The following FRK variants were observed in gnomAD, a reference collection of about 807,000 sequenced individuals.
The protein encoded by FRK is tyrosine-protein kinase FRK.
Under a neutral mutation model 56.4 loss-of-function variants are expected in FRK, and 51 were observed. The observed-to-expected ratio is 0.90, with a 90% CI of 0.72 to 1.14. FRK has a LOEUF of 1.14. Ranked by LOEUF, FRK falls within the 50% of genes most tolerant of loss-of-function variation. FRK has a pLI of 0.00. For missense variants in FRK, 570 were observed against 601.4 expected (o/e 0.95, Z 0.55); for synonymous variants, 245 against 217.9 (o/e 1.12, Z -1.10).
At chr6:116,023,881 G>A (rs1157335025) in intron 1 of FRK, among the ~76,000 whole-genome samples, 1 of 151,954 alleles carries the variant, frequency 6.6e-6, no homozygotes, top group East Asian at 1.9e-4. Flanking sequence ...TGTGTAAACT[G>A]TACGTAAGAA....
chr6:116,028,583 T>G (rs1776186192), intron 1 of FRK, among the ~76,000 whole-genome samples: 1 of 152,184 alleles, frequency 6.6e-6, no homozygotes, highest in Non-Finnish European at 1.5e-5. Flanking sequence ...TCTGGTGTTT[T>G]GTTGGCAGTC....
chr6:116,008,079 C>A (rs886895540), intron 1 of FRK, among the ~76,000 whole-genome samples: 1 of 152,062 alleles, frequency 6.6e-6, no homozygotes, highest in Non-Finnish European at 1.5e-5. Flanking sequence ...ATATATCATT[C>A]TCAAAACTAA....
In FRK at chr6:115,968,755, A is replaced by G. The variant is rs1773690983; in HGVS notation, c.467-16T>C. On this transcript the variant is annotated splice_polypyrimidine_tract_variant and intron_variant, in intron 2 of 7. Coordinates refer to ENST00000606080, the MANE Select transcript of FRK (RefSeq NM_002031.3). ...CCATCTAAAACTGGAACCCAAAATA[A>G]TTCCTGTTAATAAACTTCTTGCTAA... 1.2e-6 allele frequency: 2 copies of G among 1,605,518 alleles called. No homozygotes were observed. Among genetic ancestry groups the G allele is most frequent in the Non-Finnish European group, 1.7e-6 (2 of 1,175,404 alleles).
At chr6:115,990,925 T>A (rs1774578375) in intron 2 of FRK, among the ~76,000 whole-genome samples, 1 of 151,964 alleles carries the variant, frequency 6.6e-6, no homozygotes, top group Non-Finnish European at 1.5e-5. Flanking sequence ...TTTCCATTTG[T>A]TTGTGTCATC....
intron 2 of FRK, among the ~76,000 whole-genome samples, chr6:115,985,005 G>A (rs117524493): frequency 2.0e-5 from 3 of 152,126 alleles, no homozygotes; most frequent in Non-Finnish European, 4.4e-5. Flanking sequence ...ACATCATCCT[G>A]AGCCTTGTAC....
At position 116,039,232 on chromosome 6, in the gene FRK, G is replaced by A. The variant is rs141810817; in HGVS notation, c.344+20736C>T. 1.9e-4 allele frequency: 278 copies of A among 1,488,412 alleles called. 2 individuals carry two copies. In the East Asian group the frequency reaches 6.1e-3, roughly 33 times the overall value. The allele number at this position is 1,488,412 out of a possible 1,614,324, so 92.2% of individuals were successfully genotyped here. On this transcript the variant is annotated intron_variant, in intron 1 of 7. Coordinates refer to ENST00000606080, the MANE Select transcript of FRK (RefSeq NM_002031.3). ...TAACGTGAAGGACTGGAGCAAGGTC[G>A]TCCTGGCCTGCGAGCCTGTGTGGGC...
In FRK at chr6:116,015,568, G is replaced by A. The variant is rs150419477; in HGVS notation, c.345-11570C>T. 3.2e-4 allele frequency among the ~76,000 whole-genome samples: 49 copies of A among 152,300 alleles called. 2 individuals carry two copies. The East Asian group carries it at 7.9e-3, about 25-fold the overall frequency. On this transcript the variant is annotated intron_variant, in intron 1 of 7. Coordinates refer to ENST00000606080, the MANE Select transcript of FRK (RefSeq NM_002031.3). ...AGGCAGATGTTGGACAGTTTGGAGG[G>A]CTCAGAAGAAGACAGGAATATGTAG...
At chr6:115,943,920 T>C (rs1344210950) in intron 6 of FRK, among the ~76,000 whole-genome samples, 1 of 152,202 alleles carries the variant, frequency 6.6e-6, no homozygotes, top group East Asian at 1.9e-4. Flanking sequence ...AGGTTAACAC[T>C]GCACAAAGTG....
chr6:115,965,970 C>T (rs1357827204), intron 4 of FRK, among the ~76,000 whole-genome samples: 1 of 102,430 alleles, frequency 9.8e-6, no homozygotes, highest in South Asian at 4.2e-4. Flanking sequence ...TTAGTGGGTG[C>T]AGCGCACCAG....
chr6:116,094,755 C>G, the FRK span, among the ~76,000 whole-genome samples: 1 of 151,354 alleles, frequency 6.6e-6, no homozygotes, highest in South Asian at 2.1e-4. Context: ...GAGAAAGAGA[C>G]AGAAAGTCAG....
the FRK span, among the ~76,000 whole-genome samples, chr6:116,068,330 G>A: frequency 6.6e-6 from 1 of 151,998 alleles, no homozygotes; most frequent in Non-Finnish European, 1.5e-5. Flanking sequence ...ACATATGTGA[G>A]TGAGTCTTGG....
chr6:116,095,057 G>A, the FRK span, among the ~76,000 whole-genome samples: 5 of 152,212 alleles, frequency 3.3e-5, no homozygotes, highest in Admixed American at 6.5e-5. Context: ...GGCATAGGCC[G>A]AAAATACTGA....
chr6:116,080,538 T>C, the FRK span, among the ~76,000 whole-genome samples: 1 of 152,206 alleles, frequency 6.6e-6, no homozygotes, highest in Non-Finnish European at 1.5e-5. Flanking sequence ...TAAACTTCTA[T>C]AACATACCAC....
chr6:115,993,126 A>G (rs1301036156), intron 2 of FRK, among the ~76,000 whole-genome samples: 1 of 151,816 alleles, frequency 6.6e-6, no homozygotes, highest in Non-Finnish European at 1.5e-5. Flanking sequence ...AGGTGACATG[A>G]TATCTACAAC....
intron 1 of FRK, among the ~76,000 whole-genome samples, chr6:116,016,892 A>T (rs1775678237): frequency 6.6e-6 from 1 of 152,154 alleles, no homozygotes; most frequent in Non-Finnish European, 1.5e-5. Context: ...AATAGTAGAA[A>T]CTGAACACAT....
intron 2 of FRK, among the ~76,000 whole-genome samples, chr6:115,980,606 T>C (rs956481159): frequency 3.3e-5 from 5 of 152,176 alleles, no homozygotes; most frequent in Admixed American, 3.3e-4. Flanking sequence ...AATAAAGTTA[T>C]ACTGCCTTTA....
Position 115,942,624 on chromosome 6 carries a change from A to T in FRK, c.1308T>A (p.Gly436=). ...TCTGGATTACCTGGGCACCTGTCATACCTTGAAAATACAGAACGAAACCAA... is the reference window on the plus strand; with the variant it reads ...TCTGGATTACCTGGGCACCTGTCATTCCTTGAAAATACAGAACGAAACCAA... ...IITYGKMPYS[G]MTGAQVIQML... The change falls in exon 8 of 8, where the codon GGT becomes GGA. Residue 436 remains glycine (G), a splice_region_variant and synonymous_variant. Coordinates refer to ENST00000606080, the MANE Select transcript of FRK (RefSeq NM_002031.3). The T allele has an allele frequency of 2.5e-6, 4 of 1,612,412 alleles. No homozygotes were observed. Among genetic ancestry groups the T allele is most frequent in the Non-Finnish European group, 3.4e-6 (4 of 1,178,686 alleles).
chr6:116,053,076 C>T (rs1023369143), intron 1 of FRK, among the ~76,000 whole-genome samples: 8 of 152,108 alleles, frequency 5.3e-5, no homozygotes, highest in Admixed American at 2.6e-4. Flanking sequence ...CAGGCTCACA[C>T]AGCTAAGACA....
the FRK span, among the ~76,000 whole-genome samples, chr6:116,089,070 A>AT: frequency 6.6e-6 from 1 of 152,208 alleles, no homozygotes; most frequent in Non-Finnish European, 1.5e-5. Flanking sequence ...TGTAAGAACC[A>AT]TTTCAGTCTT....
Sources: allele counts gnomAD v4.1 joint callset (sites outside exome capture counted in the v4.1 genomes callset), GRCh38; gene constraint gnomAD v4.1.1; transcripts MANE v1.5; gene names NCBI Gene and HGNC (gene_info 2026-07-23, HGNC 2026-07-21).